The following CYB5RL variants were observed in gnomAD, a reference collection of about 807,000 sequenced individuals.
The protein encoded by CYB5RL is cytochrome b5 reductase like, also known as NADH-cytochrome b5 reductase-like.
A neutral mutation model predicts 37.5 loss-of-function variants in CYB5RL; 38 were observed. That is an observed-to-expected ratio of 1.01 (90% CI 0.78 to 1.33). The LOEUF (loss-of-function observed/expected upper bound fraction) is 1.33. Ranked by LOEUF, CYB5RL falls within the 40% of genes most tolerant of loss-of-function variation. The pLI is 0.00. For missense variants in CYB5RL, 388 were observed against 394.4 expected (o/e 0.98, Z 0.14); for synonymous variants, 141 against 151.9 (o/e 0.93, Z 0.53).
chr1:54,173,665 T>C lies in CYB5RL; in HGVS notation c.*954A>G, dbSNP rs1401915950. The C allele has an allele frequency of 6.5e-6, 1 of 152,686 alleles. No homozygotes were observed. Among genetic ancestry groups the C allele is most frequent in the African/African-American group, 2.4e-5 (1 of 41,458 alleles). 9.5% of individuals were successfully genotyped at this position (152,686 alleles called of 1,614,324 possible). A position where few individuals can be genotyped will look rare whatever the true frequency, so the allele number is the denominator to read the frequency against. ...TTAATATTCCAATTCTGGGACTGCC[T>C]GTAGCTAGCCCAAGCTGGTGCAGCA... is the stretch of plus-strand genomic sequence containing the variant. On this transcript the variant is annotated 3_prime_UTR_variant, in exon 8 of 8. Transcript: ENST00000534324.
chr1:54,178,391 G>T (rs750419611), intron 7 of CYB5RL, among the ~76,000 whole-genome samples: 1 of 152,182 alleles, frequency 6.6e-6, no homozygotes, highest in African/African-American at 2.4e-5. Context: ...GGGACAGGAG[G>T]GAAAAGTGAA....
rs1659950714 is a variant in CYB5RL at position 54,173,837 on chromosome 1, C to T, written c.*782G>A. The T allele has an allele frequency of 6.6e-6, 1 of 152,558 alleles. No homozygotes were observed. Among genetic ancestry groups the T allele is most frequent in the Non-Finnish European group, 1.5e-5 (1 of 68,076 alleles). 9.5% of individuals were successfully genotyped at this position (152,558 alleles called of 1,614,324 possible). ...TCAGTGGGACAAGCTGGGAGAGGGA[C>T]CCAGGTCTCCTGACTCCTGCTCTAT... On this transcript the variant is annotated 3_prime_UTR_variant, in exon 8 of 8. Coordinates refer to ENST00000534324, the MANE Select transcript of CYB5RL (RefSeq NM_001031672.4).
chr1:54,179,888 G>C, intron 6 of CYB5RL: 36 of 451,790 alleles, frequency 8.0e-5, no homozygotes, highest in South Asian at 5.3e-4. Context: ...CTCATCTCTA[G>C]GCTAAATGAA....
intron 1 of CYB5RL, among the ~76,000 whole-genome samples, chr1:54,197,649 G>A (rs1046836294): frequency 6.6e-6 from 1 of 152,104 alleles, no homozygotes; most frequent in Non-Finnish European, 1.5e-5. Context: ...TCCGACTTCA[G>A]TGAGGCTGTT....
At chr1:54,179,484 G>A in intron 6 of CYB5RL, 132 bp from the exon 7 acceptor site, 2 of 856,572 alleles carry the variant, frequency 2.3e-6, no homozygotes, top group Non-Finnish European at 3.6e-6. Context: ...AACCACCTAT[G>A]TCCCCTCTCT....
chr1:54,191,110 A>G (rs981034377), intron 3 of CYB5RL, among the ~76,000 whole-genome samples: 3 of 152,096 alleles, frequency 2.0e-5, no homozygotes, highest in Non-Finnish European at 4.4e-5. Context: ...TAAGCCTTCC[A>G]TGGCTCCCCT....
intron 1 of CYB5RL, among the ~76,000 whole-genome samples, chr1:54,198,027 CAAAAAAAAA>C (rs575486117): frequency 1.6e-3 from 127 of 78,526 alleles, no homozygotes; most frequent in African/African-American, 7.1e-3. Flanking sequence ...GACTCTGTCT[CAAAAAAAAA>C]AAAAAAAAAA....
At position 54,174,410 on chromosome 1, in the gene CYB5RL, T is replaced by C; in HGVS notation, c.*209A>G. ...CAGGGCCCCTACAGCCCATCCTCCT[T>C]CTACATAGTAGGAGGCCAGGAGGAG... On this transcript the variant is annotated 3_prime_UTR_variant, in exon 8 of 8. Coordinates refer to ENST00000534324, the MANE Select transcript of CYB5RL (RefSeq NM_001031672.4). 1.7e-6 allele frequency: 1 copy of C among 599,570 alleles called. No homozygotes were observed. The highest frequency in any genetic ancestry group is 2.9e-6 in the Non-Finnish European group (1 of 343,232). 37.1% of individuals were successfully genotyped at this position (599,570 alleles called of 1,614,324 possible).
rs141015340 is a variant in CYB5RL, at chr1:54,176,777, G to A, written c.745-1955C>T. 1.8e-3 allele frequency among the ~76,000 whole-genome samples: 272 copies of A among 152,316 alleles called. 3 individuals are homozygous for A. The highest frequency in any genetic ancestry group is 6.2e-3 in the African/African-American group (256 of 41,562). On this transcript the variant is annotated intron_variant, in intron 7 of 7. Transcript: ENST00000534324. ...CCCTGGGCCTGGCTGCTGGTGAGAC[G>A]GATAGGGGACCCCACAAACAGTGAC... is the stretch of plus-strand genomic sequence containing the variant.
chr1:54,175,704 AT>A (rs1437322761), intron 7 of CYB5RL: 1 of 434,796 alleles, frequency 2.3e-6, no homozygotes, highest in Non-Finnish European at 4.6e-6. Flanking sequence ...AAAAATAACA[AT>A]ATAGCAATAG....
intron 7 of CYB5RL, among the ~76,000 whole-genome samples, chr1:54,178,718 G>C (rs1403023596): frequency 6.6e-6 from 1 of 152,222 alleles, no homozygotes; most frequent in East Asian, 1.9e-4. Flanking sequence ...ACTGAAGAGA[G>C]AGTGCTGAGG....
chr1:54,195,897 G>C (rs371293884), intron 2 of CYB5RL, among the ~76,000 whole-genome samples, 182 bp from the exon 3 acceptor site: 1 of 152,206 alleles, frequency 6.6e-6, no homozygotes, highest in African/African-American at 2.4e-5. Context: ...ACAATCCCTC[G>C]TGTGAAGTGA....
At chr1:54,198,630 CTTTTTTT>C (rs145616563) in intron 1 of CYB5RL, among the ~76,000 whole-genome samples, 1 of 103,956 alleles carries the variant, frequency 9.6e-6, no homozygotes, top group Non-Finnish European at 1.8e-5. Flanking sequence ...CATGCCCGGC[CTTTTTTT>C]TTTTTTTTTT....
chr1:54,184,340 G>A, intron 5 of CYB5RL, 75 bp from the exon 6 acceptor site: 2 of 1,274,394 alleles, frequency 1.6e-6, no homozygotes, highest in South Asian at 2.6e-5. Context: ...CCATTAATGT[G>A]GAGCCCGTTC....
intron 5 of CYB5RL, among the ~76,000 whole-genome samples, chr1:54,187,014 TG>T (rs1306211924): frequency 1.3e-5 from 2 of 152,164 alleles, no homozygotes; most frequent in African/African-American, 4.8e-5. Flanking sequence ...TTGACCCACA[TG>T]AAGCTGATGT....
intron 6 of CYB5RL, 63 bp from the exon 7 acceptor site, chr1:54,179,415 C>T: frequency 1.3e-6 from 2 of 1,519,598 alleles, no homozygotes; most frequent in South Asian, 1.2e-5. Context: ...ATCCCCTCTA[C>T]TATGGGACTT....
In CYB5RL at chr1:54,179,356, G is replaced by C; in HGVS notation, c.541-4C>G. ...CCAGCAAGAGGAGCTCACCATACTG[G>C]GGAACAGAAGGGGTATGTATGACAG... On this transcript the variant is annotated splice_region_variant and splice_polypyrimidine_tract_variant and intron_variant, in intron 6 of 7. Transcript: ENST00000534324. The C allele has an allele frequency of 6.2e-7, 1 of 1,610,544 alleles. No individual in the cohort carries two copies. Among genetic ancestry groups the C allele is most frequent in the Non-Finnish European group, 8.5e-7 (1 of 1,178,998 alleles).
At position 54,171,295 on chromosome 1, in the gene CYB5RL, G is replaced by C; in HGVS notation, c.*3324C>G. ...GAGCCTGAGAGGTGGGTGTGAGTGG[G>C]CGGTGGCATACAAAAAGTCTGGAGA... On this transcript the variant is annotated 3_prime_UTR_variant, in exon 8 of 8. Coordinates refer to ENST00000534324, the MANE Select transcript of CYB5RL (RefSeq NM_001031672.4). The C allele has an allele frequency of 2.2e-6, 1 of 456,424 alleles. No homozygotes were observed. Among genetic ancestry groups the C allele is most frequent in the South Asian group, 1.5e-5 (1 of 64,556 alleles). 28.3% of individuals were successfully genotyped at this position (456,424 alleles called of 1,614,324 possible). A position where few individuals can be genotyped will look rare whatever the true frequency, so the allele number is the denominator to read the frequency against.
rs1659899004 is a variant in CYB5RL at position 54,171,813 on chromosome 1, C to T, written c.*2806G>A. The T allele has an allele frequency of 7.5e-6, 2 of 265,172 alleles. No individual in the cohort carries two copies. The highest frequency in any genetic ancestry group is 9.5e-5 in the South Asian group (2 of 21,026). 16.4% of individuals were successfully genotyped at this position (265,172 alleles called of 1,614,324 possible). A position where few individuals can be genotyped will look rare whatever the true frequency, so the allele number is the denominator to read the frequency against. ...GCTCCAAGAGGTCTGAACTCACACA[C>T]CACACCCCACACTCTTCTTCTTGGG... is the stretch of plus-strand genomic sequence containing the variant. On this transcript the variant is annotated 3_prime_UTR_variant, in exon 8 of 8. Coordinates refer to ENST00000534324, the MANE Select transcript of CYB5RL (RefSeq NM_001031672.4).
Sources: gnomAD v4.1 joint callset for allele counts (sites outside exome capture counted in the v4.1 genomes callset) on GRCh38, gnomAD v4.1.1 for gene constraint, MANE v1.5 for transcripts, NCBI Gene and HGNC (gene_info 2026-07-23, HGNC 2026-07-21) for gene names.